Variants in RPTOR observed in about 807,000 individuals in gnomAD.
RPTOR encodes regulatory-associated protein of mTOR.
Under a neutral mutation model 169.9 loss-of-function variants are expected in RPTOR, and 21 were observed. The observed-to-expected ratio is 0.12, with a 90% CI of 0.09 to 0.18. RPTOR has a LOEUF of 0.18. Among genes scored for constraint, RPTOR ranks in the 10% least tolerant of loss-of-function variants. The probability of loss-of-function intolerance (pLI) is 1.00; values close to 1 mark genes in which losing one functional copy is unlikely to be tolerated. For synonymous variants in RPTOR, 732 were observed against 753.2 expected (o/e 0.97, Z 0.46); for missense variants, 1,133 against 1,855.9 (o/e 0.61, Z 7.16).
intron 3 of RPTOR, among the ~76,000 whole-genome samples, chr17:80,689,640 A>G (rs1174698388): frequency 6.6e-6 from 1 of 152,254 alleles, no homozygotes; most frequent in Non-Finnish European, 1.5e-5. Flanking sequence ...GAGGCCATTC[A>G]TAGGCTGATT....
Position 80,861,181 on chromosome 17 carries a change from G to C in RPTOR, c.1509+3281G>C, listed in dbSNP as rs972010165. Among the ~76,000 whole-genome samples the C allele has an allele frequency of 6.9e-6, 1 of 145,020 alleles. No individual in the cohort carries two copies. The highest frequency in any genetic ancestry group is 1.6e-5 in the Non-Finnish European group (1 of 64,162). On this transcript the variant is annotated intron_variant, in intron 13 of 33. Transcript: ENST00000306801. The surrounding 1 kb of genome is among the most constrained non-coding windows in gnomAD (Gnocchi z 4.5). ...CCCATCACCGCATTTGCTCTTACAA[G>C]TCATTTTCACTTCCCTTGGCCATGA...
intron 24 of RPTOR, 65 bp downstream of exon 24, chr17:80,925,545 AGCATAAACGCTCAAGGCT>A: frequency 7.7e-7 from 1 of 1,305,420 alleles, no homozygotes. Context: ...CACTTCTTTG[AGCATAAACGCTCAAGGCT>A]TGTGGCTGTG....
At chr17:80,859,295 G>A (rs1263423874) in intron 13 of RPTOR, among the ~76,000 whole-genome samples, 2 of 152,262 alleles carry the variant, frequency 1.3e-5, no homozygotes, top group Non-Finnish European at 2.9e-5. Flanking sequence ...GTGGAGAGGA[G>A]AGCTGTACAG....
chr17:80,784,201 G>A (rs1598301821), intron 6 of RPTOR, among the ~76,000 whole-genome samples: 1 of 151,424 alleles, frequency 6.6e-6, no homozygotes, highest in South Asian at 2.1e-4. Context: ...TGATCCTCCT[G>A]CCTTGGGCTC....
At chr17:80,921,484 G>T (rs755072498) in intron 21 of RPTOR, among the ~76,000 whole-genome samples, 1 of 152,260 alleles carries the variant, frequency 6.6e-6, no homozygotes, top group Non-Finnish European at 1.5e-5. Context: ...GCGAGGTCAT[G>T]TCGGTGGCCG....
At chr17:80,923,769 T>C in intron 23 of RPTOR, 96 bp downstream of exon 23, 1 of 1,329,830 alleles carries the variant, frequency 7.5e-7, no homozygotes, top group Non-Finnish European at 1.0e-6. Flanking sequence ...CACATCACCA[T>C]GGGATGGGGC....
rs192372771 is a variant in RPTOR at position 80,754,109 on chromosome 17, C to T, written c.754C>T (p.Leu252=). 17 of 1,613,996 alleles carry T rather than the reference C, an allele frequency of 1.1e-5. No homozygotes were observed. In the East Asian group the frequency reaches 3.8e-4, roughly 36 times the overall value. ...QLAACEATEL[L]PMIPDLPADL... The stretch of plus-strand genomic sequence containing the variant: ...GGCAGCCTGCGAGGCCACCGAGCTG[C>T]TGCCCATGATCCCCGACCTCCCGGC... The change falls in exon 6 of 34, where the codon CTG becomes TTG. Residue 252 remains leucine, a synonymous_variant. Transcript: ENST00000306801. This position sits in a 1 kb window ranked among gnomAD's most constrained non-coding sequence, Gnocchi z 4.2.
intron 2 of RPTOR, among the ~76,000 whole-genome samples, chr17:80,634,469 C>CGTACTTTGT (rs2065477210): frequency 1.7e-5 from 1 of 58,252 alleles, no homozygotes; most frequent in Non-Finnish European, 3.1e-5. Context: ...ATAGTGTGTG[C>CGTACTTTGT]GTGTGCATAC....
chr17:80,655,130 G>C (rs188401162), intron 3 of RPTOR, among the ~76,000 whole-genome samples: 41 of 152,346 alleles, frequency 2.7e-4, no homozygotes, highest in African/African-American at 8.7e-4. Flanking sequence ...CTGCCATCCA[G>C]GCTGGAGTGC....
At position 80,780,712 on chromosome 17, in the gene RPTOR, A is replaced by G. The variant is rs59261747; in HGVS notation, c.831-10738A>G. Among the ~76,000 whole-genome samples the G allele has an allele frequency of 2.7e-3, 418 of 152,328 alleles. 7 individuals carry two copies. In the East Asian group the frequency reaches 0.06, roughly 22 times the overall value. On this transcript the variant is annotated intron_variant, in intron 6 of 33. Coordinates refer to ENST00000306801, the MANE Select transcript of RPTOR (RefSeq NM_020761.3). ...GTCAGGTGAGTCGTAAGAGTCACAG[A>G]GGAAGTTCCTTCTTAGCCTGTGGCA...
intron 5 of RPTOR, among the ~76,000 whole-genome samples, chr17:80,738,758 A>G (rs1217593820): frequency 1.3e-5 from 2 of 152,226 alleles, no homozygotes; most frequent in African/African-American, 2.4e-5. Context: ...GATGCTCAGG[A>G]AGGATCTATA....
At chr17:80,684,518 C>T (rs1454031376) in intron 3 of RPTOR, among the ~76,000 whole-genome samples, 1 of 150,316 alleles carries the variant, frequency 6.7e-6, no homozygotes, top group Non-Finnish European at 1.5e-5. Flanking sequence ...GATCTCGGCT[C>T]ACTGCAAGCT....
chr17:80,742,915 C>G (rs1439008452), intron 5 of RPTOR, among the ~76,000 whole-genome samples: 1 of 151,400 alleles, frequency 6.6e-6, no homozygotes, highest in African/African-American at 2.4e-5. Flanking sequence ...GGTACATGCT[C>G]ATACATGCAC....
intron 3 of RPTOR, among the ~76,000 whole-genome samples, chr17:80,661,473 C>G (rs2143648521): frequency 6.6e-6 from 1 of 152,300 alleles, no homozygotes; most frequent in East Asian, 1.9e-4. Flanking sequence ...AACAACCCTT[C>G]TCCACCACGG....
At chr17:80,743,475 T>C (rs1265086989) in intron 5 of RPTOR, 1 of 984,300 alleles carries the variant, frequency 1.0e-6, no homozygotes, top group Admixed American at 6.1e-5. Context: ...CGTGACCCAC[T>C]TGTGTGGGGA....
intron 3 of RPTOR, among the ~76,000 whole-genome samples, chr17:80,706,387 C>G (rs928102945): frequency 3.3e-5 from 5 of 152,194 alleles, no homozygotes; most frequent in Non-Finnish European, 7.3e-5. Context: ...TCGCATGACC[C>G]ACCTGTGCCC....
chr17:80,930,385 GCTCAGCTCATT>G (rs2068875512), intron 24 of RPTOR, among the ~76,000 whole-genome samples: 1 of 1,350 alleles, frequency 7.4e-4, no homozygotes. Context: ...CCCCAGCTCA[GCTCAGCTCATT>G]CTCAGCTCAT....
chr17:80,560,292 G>A (rs552516591), intron 1 of RPTOR, among the ~76,000 whole-genome samples: 57 of 152,324 alleles, frequency 3.7e-4, no homozygotes, highest in Non-Finnish European at 7.3e-5. Context: ...GAGTGGTTGC[G>A]GGAGCAGGGC....
chr17:80,728,655 T>G (rs2066361558), intron 4 of RPTOR, among the ~76,000 whole-genome samples: 1 of 152,206 alleles, frequency 6.6e-6, no homozygotes, highest in African/African-American at 2.4e-5. Flanking sequence ...ATCCTGTAAT[T>G]ACCATAGATT....
Sources: gnomAD v4.1 joint callset for allele counts (sites outside exome capture counted in the v4.1 genomes callset) on GRCh38, gnomAD v4.1.1 for gene constraint, Gnocchi (gnomAD v3.1) non-coding constraint, MANE v1.5 for transcripts, NCBI Gene and HGNC (gene_info 2026-07-23, HGNC 2026-07-21) for gene names.